Variants in NRXN3 observed in about 807,000 individuals in gnomAD.
NRXN3 encodes neurexin 3.
NRXN3 carries 32 observed loss-of-function variants against 137.6 expected under a neutral mutation model. The observed-to-expected ratio is 0.23, with a 90% confidence interval of 0.18 to 0.31. The LOEUF (loss-of-function observed/expected upper bound fraction) is 0.31. NRXN3 is among the 10% of genes least tolerant of loss of function. The pLI is 1.00. For synonymous variants in NRXN3, 798 were observed against 784.5 expected, an observed-to-expected ratio of 1.02 and a Z score of -0.29; for missense variants, 1,574 against 2,062.5, an observed-to-expected ratio of 0.76 and a Z score of 4.59.
At chr14:79,483,963 T>C (rs1265972820) in intron 16 of NRXN3, among the ~76,000 whole-genome samples, 1 of 152,166 alleles carries the variant, frequency 6.6e-6, no homozygotes, top group East Asian at 1.9e-4. Context: ...TAAGTCACTG[T>C]GGGTGTCCAT....
intron 15 of NRXN3, among the ~76,000 whole-genome samples, chr14:79,333,035 C>A (rs1721244362): frequency 4.6e-5 from 7 of 152,146 alleles, no homozygotes; most frequent in Admixed American, 4.6e-4. Context: ...CTGCACCCCC[C>A]TGCTGTGTGC....
At chr14:79,803,789 C>T (rs1282582181) in intron 19 of NRXN3, among the ~76,000 whole-genome samples, 1 of 151,798 alleles carries the variant, frequency 6.6e-6, no homozygotes, top group Non-Finnish European at 1.5e-5. Flanking sequence ...CTTTCAGCAG[C>T]TCACTTAACC....
At chr14:78,246,570 G>A (rs2067711422) in intron 2 of NRXN3, among the ~76,000 whole-genome samples, 1 of 152,198 alleles carries the variant, frequency 6.6e-6, no homozygotes, top group Admixed American at 6.5e-5. Flanking sequence ...GATGTTGCGG[G>A]AGGTAACAGA....
At chr14:78,247,669 G>A (rs1255050562) in intron 2 of NRXN3, among the ~76,000 whole-genome samples, 1 of 152,150 alleles carries the variant, frequency 6.6e-6, no homozygotes, top group Non-Finnish European at 1.5e-5. Flanking sequence ...TTTTTGTTTA[G>A]CTCAGCCCGT....
At chr14:79,594,504 G>A (rs2153825504) in intron 16 of NRXN3, among the ~76,000 whole-genome samples, 1 of 152,194 alleles carries the variant, frequency 6.6e-6, no homozygotes, top group Admixed American at 6.5e-5. Context: ...AATGAAGATG[G>A]TCCATGAAGT....
chr14:79,042,726 T>C (rs544348648), intron 15 of NRXN3, among the ~76,000 whole-genome samples: 5 of 152,328 alleles, frequency 3.3e-5, no homozygotes, highest in African/African-American at 1.2e-4. Flanking sequence ...AGGAAAGGTA[T>C]GGCAAGTGTG....
intron 16 of NRXN3, among the ~76,000 whole-genome samples, chr14:79,654,992 C>T (rs972300509): frequency 2.6e-5 from 4 of 152,166 alleles, no homozygotes; most frequent in African/African-American, 4.8e-5. Context: ...TTGCTGATCT[C>T]TCATTTATAG....
intron 19 of NRXN3, among the ~76,000 whole-genome samples, chr14:79,759,720 G>A (rs1254385571): frequency 6.6e-6 from 1 of 151,616 alleles, no homozygotes; most frequent in East Asian, 1.9e-4. Flanking sequence ...TGGTAATAAA[G>A]TTATCATAAG....
intron 16 of NRXN3, among the ~76,000 whole-genome samples, chr14:79,504,775 T>C (rs2096860678): frequency 6.6e-6 from 1 of 151,052 alleles, no homozygotes; most frequent in Non-Finnish European, 1.5e-5. Flanking sequence ...CTCAAGAGGG[T>C]ATGAAACCCA....
At position 79,503,399 on chromosome 14, in the gene NRXN3, C is replaced by T. The variant is rs376121652; in HGVS notation, c.3444+35997C>T. On this transcript the variant is annotated intron_variant, in intron 16 of 20. Coordinates refer to ENST00000335750, the MANE Select transcript of NRXN3 (RefSeq NM_001330195.2). The stretch of plus-strand genomic sequence containing the variant: ...TCCAGACTCTACTTTCTCCATTCTC[C>T]CCCACTCATCCTAACCTTCACGTAC... 1.4e-4 allele frequency among the ~76,000 whole-genome samples: 21 copies of T among 152,254 alleles called. No homozygotes were observed. The East Asian group carries it at 3.7e-3, about 27-fold the overall frequency.
chr14:78,962,722 C>T lies in NRXN3; in HGVS notation c.2396-3303C>T, dbSNP rs973202577. 6.0e-5 allele frequency among the ~76,000 whole-genome samples: 9 copies of T among 150,602 alleles called. No homozygotes were observed. The East Asian group carries it at 1.8e-3, about 30-fold the overall frequency. On this transcript the variant is annotated intron_variant, in intron 11 of 20. Transcript: ENST00000335750. ...CTTTTTCTTTCCTTTTTCTTTCTTT[C>T]TTTTTTTTTGAGACGGACTCTTGCT...
intron 10 of NRXN3, among the ~76,000 whole-genome samples, chr14:78,930,888 C>T (rs2099319850): frequency 6.6e-6 from 1 of 152,130 alleles, no homozygotes; most frequent in Non-Finnish European, 1.5e-5. Context: ...AGCTCCAGGG[C>T]ATGTAGTACT....
chr14:79,176,248 T>A (rs994702322), intron 15 of NRXN3, among the ~76,000 whole-genome samples: 4 of 152,200 alleles, frequency 2.6e-5, no homozygotes, highest in Non-Finnish European at 5.9e-5. Context: ...TGAATGCAAA[T>A]CTGATAATAT....
intron 15 of NRXN3, among the ~76,000 whole-genome samples, chr14:79,453,827 G>A (rs2096215188): frequency 6.6e-6 from 1 of 152,032 alleles, no homozygotes; most frequent in Non-Finnish European, 1.5e-5. Flanking sequence ...GATCACAAAA[G>A]GCTTTTATTC....
intron 19 of NRXN3, among the ~76,000 whole-genome samples, chr14:79,774,928 GAT>G (rs555723546): frequency 6.6e-6 from 1 of 151,732 alleles, no homozygotes; most frequent in African/African-American, 2.4e-5. Flanking sequence ...GATTAAGTAT[GAT>G]ATATATATAG....
intron 15 of NRXN3, among the ~76,000 whole-genome samples, chr14:79,306,550 G>A (rs377643283): frequency 6.6e-6 from 1 of 152,074 alleles, no homozygotes; most frequent in Non-Finnish European, 1.5e-5. Flanking sequence ...CTATTTGTTT[G>A]CTTGACTGTT....
intron 1 of NRXN3, among the ~76,000 whole-genome samples, chr14:78,216,159 A>G (rs2063257614): frequency 6.6e-6 from 1 of 152,124 alleles, no homozygotes; most frequent in African/African-American, 2.4e-5. Flanking sequence ...AGATTTCCCA[A>G]GCAAGTATAA....
At chr14:79,743,629 C>CT (rs985790112) in intron 19 of NRXN3, among the ~76,000 whole-genome samples, 11 of 152,140 alleles carry the variant, frequency 7.2e-5, no homozygotes, top group African/African-American at 2.7e-4. Context: ...TTGAGAAACA[C>CT]TTTTTTAGCT....
At chr14:79,328,041 T>C (rs2091152553) in intron 15 of NRXN3, among the ~76,000 whole-genome samples, 1 of 152,188 alleles carries the variant, frequency 6.6e-6, no homozygotes, top group Admixed American at 6.5e-5. Context: ...AACCAGGTGG[T>C]ACAGGGTCCT....
Sources: gnomAD v4.1 joint callset for allele counts (sites outside exome capture counted in the v4.1 genomes callset) on GRCh38, gnomAD v4.1.1 for gene constraint, MANE v1.5 for transcripts, NCBI Gene and HGNC (gene_info 2026-07-23, HGNC 2026-07-21) for gene names.